The following CNTN5 variants were observed in gnomAD, a reference collection of about 807,000 sequenced individuals.
The protein encoded by CNTN5 is contactin 5, also known as contactin-5.
CNTN5 carries 77 observed loss-of-function variants against 129.1 expected under a neutral mutation model. The ratio of observed to expected loss-of-function variants is 0.60; its 90% CI spans 0.50 to 0.72. The LOEUF is 0.72. CNTN5 is among the 30% of genes least tolerant of loss of function. The pLI, the probability that CNTN5 is intolerant of heterozygous loss-of-function variation, is 0.00. For missense variants in CNTN5, 1,478 were observed against 1,328.8 expected (o/e 1.11, Z -1.75); for synonymous variants, 509 against 465.6 (o/e 1.09, Z -1.20).
At chr11:99,355,427 C>G (rs1322959564) in intron 2 of CNTN5, among the ~76,000 whole-genome samples, 1 of 152,048 alleles carries the variant, frequency 6.6e-6, no homozygotes, top group African/African-American at 2.4e-5. Context: ...ACATGAGACC[C>G]CAAAACAAGG....
chr11:100,177,021 T>A (rs970941624), intron 13 of CNTN5, among the ~76,000 whole-genome samples: 1 of 151,976 alleles, frequency 6.6e-6, no homozygotes, highest in Non-Finnish European at 1.5e-5. Context: ...CTGAAGAGTA[T>A]GTTATCTTGT....
intron 1 of CNTN5, among the ~76,000 whole-genome samples, chr11:99,137,677 A>G (rs186275355): frequency 4.8e-4 from 73 of 152,270 alleles, no homozygotes; most frequent in African/African-American, 1.7e-3. Flanking sequence ...CATTTCCAGA[A>G]ATAGTTTCAC....
At chr11:100,143,568 G>A (rs1259745633) in intron 13 of CNTN5, among the ~76,000 whole-genome samples, 1 of 152,124 alleles carries the variant, frequency 6.6e-6, no homozygotes, top group Non-Finnish European at 1.5e-5. Context: ...GCAATGTGCA[G>A]CTGGACCAGT....
intron 3 of CNTN5, among the ~76,000 whole-genome samples, chr11:99,575,504 T>C (rs958531608): frequency 2.6e-5 from 4 of 152,208 alleles, no homozygotes; most frequent in South Asian, 2.1e-4. Context: ...AAGAACATGC[T>C]AAAACAATCT....
chr11:99,461,592 A>T (rs1387518902), intron 2 of CNTN5, among the ~76,000 whole-genome samples: 1 of 152,144 alleles, frequency 6.6e-6, no homozygotes, highest in Non-Finnish European at 1.5e-5. Flanking sequence ...GAAAGCATTG[A>T]TATTGCTTAG....
chr11:99,146,356 T>C (rs4143856), intron 1 of CNTN5, among the ~76,000 whole-genome samples: 131,183 of 152,088 alleles, frequency 0.86, 56,992 homozygotes, highest in East Asian at 0.99. Context: ...GTATTACACA[T>C]ATTTGGCCTT....
intron 13 of CNTN5, among the ~76,000 whole-genome samples, chr11:100,100,765 A>G (rs1184960738): frequency 3.3e-5 from 5 of 152,104 alleles, no homozygotes; most frequent in South Asian, 4.1e-4. Context: ...GCATCTTAGA[A>G]TTTGGTTAGC....
At chr11:99,911,520 A>G (rs915885916) in intron 6 of CNTN5, among the ~76,000 whole-genome samples, 1 of 152,002 alleles carries the variant, frequency 6.6e-6, no homozygotes, top group East Asian at 1.9e-4. Context: ...CTCCTCCCCA[A>G]TAACTAAACC....
At chr11:99,602,139 T>G (rs1288268272) in intron 3 of CNTN5, among the ~76,000 whole-genome samples, 2 of 152,100 alleles carry the variant, frequency 1.3e-5, no homozygotes, top group East Asian at 3.9e-4. Flanking sequence ...TCATGTAGAT[T>G]ACTGAAGAGG....
chr11:99,483,805 G>A (rs1281723940), intron 2 of CNTN5, among the ~76,000 whole-genome samples: 4 of 151,900 alleles, frequency 2.6e-5, no homozygotes, highest in South Asian at 2.1e-4. Flanking sequence ...ACATAAACTG[G>A]GCTAAGCACA....
intron 7 of CNTN5, among the ~76,000 whole-genome samples, chr11:99,929,809 T>C (rs1950150485): frequency 6.6e-6 from 1 of 152,124 alleles, no homozygotes. Flanking sequence ...ATATCACCTA[T>C]TGTTACTGGT....
intron 2 of CNTN5, among the ~76,000 whole-genome samples, chr11:99,353,094 T>G (rs1309838973): frequency 6.6e-6 from 1 of 152,100 alleles, no homozygotes; most frequent in East Asian, 1.9e-4. Context: ...ACTTAAGGAT[T>G]TCCTATAAGC....
intron 2 of CNTN5, among the ~76,000 whole-genome samples, chr11:99,391,746 G>T (rs1941271273): frequency 6.6e-6 from 1 of 152,026 alleles, no homozygotes; most frequent in African/African-American, 2.4e-5. Flanking sequence ...TAGTATAAGG[G>T]TATTTGGTCC....
At chr11:99,715,845 G>A (rs1414851563) in intron 3 of CNTN5, among the ~76,000 whole-genome samples, 2 of 151,706 alleles carry the variant, frequency 1.3e-5, no homozygotes, top group African/African-American at 4.8e-5. Flanking sequence ...AATATATTGG[G>A]AAAGGAAATT....
intron 1 of CNTN5, among the ~76,000 whole-genome samples, chr11:99,304,889 G>C (rs1864804975): frequency 6.6e-6 from 1 of 152,104 alleles, no homozygotes; most frequent in African/African-American, 2.4e-5. Flanking sequence ...GTCTCTACTT[G>C]ACTAAATAAA....
chr11:100,107,617 CA>C (rs1298889854), intron 13 of CNTN5, among the ~76,000 whole-genome samples: 2 of 147,368 alleles, frequency 1.4e-5, no homozygotes, highest in Non-Finnish European at 3.0e-5. Flanking sequence ...TAAAAGCAAA[CA>C]AAAAAACTAT....
chr11:99,070,932 A>G (rs1250072693), intron 1 of CNTN5, among the ~76,000 whole-genome samples: 13 of 152,180 alleles, frequency 8.5e-5, no homozygotes. Flanking sequence ...TGAACATGCA[A>G]ATCATCTGTA....
At chr11:99,329,481 A>G (rs902012772) in intron 2 of CNTN5, among the ~76,000 whole-genome samples, 11 of 152,194 alleles carry the variant, frequency 7.2e-5, no homozygotes, top group Non-Finnish European at 1.3e-4. Flanking sequence ...CAAACAAGAA[A>G]TGGAACTCTT....
intron 1 of CNTN5, among the ~76,000 whole-genome samples, chr11:99,194,972 C>T (rs1177393848): frequency 6.6e-6 from 1 of 151,960 alleles, no homozygotes; most frequent in African/African-American, 2.4e-5. Flanking sequence ...TTCACGAACA[C>T]GAAGTCAAGT....
Sources: allele counts gnomAD v4.1 joint callset (sites outside exome capture counted in the v4.1 genomes callset), GRCh38; gene constraint gnomAD v4.1.1; transcripts MANE v1.5; gene names NCBI Gene and HGNC (gene_info 2026-07-23, HGNC 2026-07-21).